The following NACA2 variants were observed in gnomAD, a reference collection of about 807,000 sequenced individuals.
NACA2 encodes nascent polypeptide associated complex subunit alpha 2.
NACA2 carries 9 observed loss-of-function variants against 15.6 expected under a neutral mutation model. The ratio of observed to expected loss-of-function variants is 0.58; its 90% CI spans 0.35 to 1.00. NACA2 has a LOEUF of 1.00. Ranked by LOEUF, NACA2 falls within the 50% of genes least tolerant of loss-of-function variation. NACA2 has a pLI of 0.02. For synonymous variants in NACA2, 111 were observed against 100.5 expected (o/e 1.10, Z -0.62); for missense variants, 258 against 257.5 (o/e 1.00, Z -0.01).
rs761099015 is a variant in NACA2 at position 61,590,825 on chromosome 17, G to C, written c.356C>G (p.Ala119Gly). Residue 119 changes from alanine (A) to glycine (G), a missense_variant, in exon 1 of 1, where the codon GCC (alanine) becomes GGC (glycine). By Grantham distance (60) the Ala-to-Gly change is moderately conservative. Transcript: ENST00000521764. ...LDVYKSPASD[A>G]YIVFGEAKIQ... is the part of the protein sequence containing the mutation. ...CTTGGCTTCCCCAAAAACTATGTAG[G>C]CATCCGAAGCAGGGCTCTTGTAGAC... 1.9e-6 allele frequency: 3 copies of C among 1,614,098 alleles called. No individual in the cohort carries two copies. The highest frequency in any genetic ancestry group is 1.7e-6 in the Non-Finnish European group (2 of 1,179,966).
At position 61,591,188 on chromosome 17, in the gene NACA2, A is replaced by G. The variant is rs975290377; in HGVS notation, c.-8T>C. 5.0e-6 allele frequency: 8 copies of G among 1,614,076 alleles called. No individual in the cohort carries two copies. Among genetic ancestry groups the G allele is most frequent in the African/African-American group, 1.3e-5 (1 of 74,946 alleles). Reference sequence around the variant, plus strand: ...TGTGGCTTCGCCCGGCATTTTGTGCAGGGAACGCGGAAGCAAGATGGCGGC... The same window carrying G: ...TGTGGCTTCGCCCGGCATTTTGTGCGGGGAACGCGGAAGCAAGATGGCGGC... On this transcript the variant is annotated 5_prime_UTR_variant, in exon 1 of 1. Coordinates refer to ENST00000521764, the MANE Select transcript of NACA2 (RefSeq NM_199290.4).
In NACA2 at chr17:61,590,566, A is replaced by G. The variant is rs1569074869; in HGVS notation, c.615T>C (p.Asp205=). 2.5e-6 allele frequency: 4 copies of G among 1,614,210 alleles called. No homozygotes were observed. The highest frequency in any genetic ancestry group is 3.4e-6 in the Non-Finnish European group (4 of 1,180,032). Residue 205 remains aspartate, a synonymous_variant, in exon 1 of 1, where the codon GAT becomes GAC. Coordinates refer to ENST00000521764, the MANE Select transcript of NACA2 (RefSeq NM_199290.4). The part of the protein sequence containing the change: ...AVRALKNNSN[D]IVNAIMELTV ...TTAATTCCATAATCGCATTTACAATATCATTACTGTTGTTCTTCAGAGCTC... is the reference window on the plus strand; with the variant it reads ...TTAATTCCATAATCGCATTTACAATGTCATTACTGTTGTTCTTCAGAGCTC...
chr17:61,590,741 C>A lies in NACA2; in HGVS notation c.440G>T (p.Gly147Val). The change falls in exon 1 of 1, where the codon GGT becomes GTT. Residue 147 changes from glycine (G) to valine (V), a missense_variant. Coordinates refer to ENST00000521764, the MANE Select transcript of NACA2 (RefSeq NM_199290.4). ...TTCTTGAATGTTTCCGACAGCTTCA[C>A]CTTGAACTCTGAATTTCTCCGCAGC... The part of the protein sequence containing the change: ...LAAAEKFRVQ[G>V]EAVGNIQENT... The A allele has an allele frequency of 3.1e-6, 5 of 1,614,182 alleles. No homozygotes were observed. Among genetic ancestry groups the A allele is most frequent in the Non-Finnish European group, 4.2e-6 (5 of 1,180,038 alleles).
Position 61,590,557 on chromosome 17 carries a change from A to AT in NACA2, c.623dup (p.Asn208LysfsTer12), listed in dbSNP as rs748855718. 1.9e-6 allele frequency: 3 copies of AT among 1,614,124 alleles called. No homozygotes were observed. The highest frequency in any genetic ancestry group is 2.5e-6 in the Non-Finnish European group (3 of 1,180,056). Reference sequence around the variant, plus strand: ...GTTACACTGTTAATTCCATAATCGCATTTACAATATCATTACTGTTGTTCT... The same window carrying AT: ...GTTACACTGTTAATTCCATAATCGCATTTTACAATATCATTACTGTTGTTCT... On this transcript the variant is annotated frameshift_variant, in exon 1 of 1. Coordinates refer to ENST00000521764, the MANE Select transcript of NACA2 (RefSeq NM_199290.4). LOFTEE classifies it high-confidence loss of function.
Position 61,590,775 on chromosome 17 carries a change from G to A in NACA2, c.406C>T (p.Gln136Ter). ...AKIQDLSQQA[Q>*]LAAAEKFRVQ... ...CTGAATTTCTCCGCAGCTGCTAGTT[G>A]TGCTTGCTGAGATAAATCTTGGATC... Residue 136 changes from glutamine to a stop codon, truncating the protein, a stop_gained, in exon 1 of 1, where the codon CAA (glutamine) becomes TAA (stop). Coordinates refer to ENST00000521764, the MANE Select transcript of NACA2 (RefSeq NM_199290.4). LOFTEE classifies it high-confidence loss of function. The A allele has an allele frequency of 6.2e-7, 1 of 1,614,170 alleles. No homozygotes were observed. The highest frequency in any genetic ancestry group is 8.5e-7 in the Non-Finnish European group (1 of 1,180,032).
chr17:61,590,487 C>T lies in NACA2; in HGVS notation c.*46G>A. ...GAAACAGTACAAATTTCAAACCAAG[C>T]TGCAGTTACTCCTTTGAGACACCAA... On this transcript the variant is annotated 3_prime_UTR_variant, in exon 1 of 1. Transcript: ENST00000521764. 1 of 1,563,492 alleles carries T rather than the reference C, an allele frequency of 6.4e-7. No individual in the cohort carries two copies. The highest frequency in any genetic ancestry group is 8.8e-7 in the Non-Finnish European group (1 of 1,134,368).
In NACA2 at chr17:61,590,557, A is replaced by G. The variant is rs974302784; in HGVS notation, c.624T>C (p.Asn208=). 1 of 1,614,124 alleles carries G rather than the reference A, an allele frequency of 6.2e-7. No homozygotes were observed. Among genetic ancestry groups the G allele is most frequent in the Non-Finnish European group, 8.5e-7 (1 of 1,180,056 alleles). ...ALKNNSNDIV[N]AIMELTV is the part of the protein sequence containing the mutation. ...GTTACACTGTTAATTCCATAATCGCATTTACAATATCATTACTGTTGTTCT... is the reference window on the plus strand; with the variant it reads ...GTTACACTGTTAATTCCATAATCGCGTTTACAATATCATTACTGTTGTTCT... The change falls in exon 1 of 1, where the codon AAT becomes AAC. Residue 208 remains asparagine, a synonymous_variant. Transcript: ENST00000521764.
At position 61,590,428 on chromosome 17, in the gene NACA2, T is replaced by C. The variant is rs2060994545; in HGVS notation, c.*105A>G. 3 of 1,196,926 alleles carry C rather than the reference T, an allele frequency of 2.5e-6. No individual in the cohort carries two copies. Among genetic ancestry groups the C allele is most frequent in the Non-Finnish European group, 3.6e-6 (3 of 823,226 alleles). 74.1% of individuals were successfully genotyped at this position (1,196,926 alleles called of 1,614,324 possible). A position where few individuals can be genotyped will look rare whatever the true frequency, so the allele number is the denominator to read the frequency against. ...AAGAGAGCATTTCTTTTCTTTTCTT[T>C]TTCCAGCAAGAAGTCATAACTTTAT... is the stretch of plus-strand genomic sequence containing the variant. On this transcript the variant is annotated 3_prime_UTR_variant, in exon 1 of 1. Coordinates refer to ENST00000521764, the MANE Select transcript of NACA2 (RefSeq NM_199290.4).
In NACA2 at chr17:61,590,657, C is replaced by A. The variant is rs1263320043; in HGVS notation, c.524G>T (p.Gly175Val). The change falls in exon 1 of 1, where the codon GGT becomes GTT. Residue 175 changes from glycine to valine, a missense_variant. Gly to Val is a moderately radical substitution (Grantham distance 109). Transcript: ENST00000521764. ...ESEEEEVDET[G>V]VEVKDVKLVM... ...CAATTTCACGTCTTTAACTTCTACA[C>A]CTGTTTCATCGACCTCTTCCTCTTC... The A allele has an allele frequency of 1.9e-6, 3 of 1,614,212 alleles. No individual in the cohort carries two copies. The highest frequency in any genetic ancestry group is 2.5e-6 in the Non-Finnish European group (3 of 1,180,042).
chr17:61,591,144 CTG>C lies in NACA2; in HGVS notation c.35_36del (p.Thr12ArgfsTer10). On this transcript the variant is annotated frameshift_variant, in exon 1 of 1. Coordinates refer to ENST00000521764, the MANE Select transcript of NACA2 (RefSeq NM_199290.4). LOFTEE classifies it high-confidence loss of function. ...PGEATETVPATEQELPQSQAE... is the reference protein window; with the variant it reads ...PGEATETVPAXEQELPQSQAE... The stretch of plus-strand genomic sequence containing the variant: ...GCCTGGGACTGCGGCAACTCCTGCT[CTG>C]TAGCAGGGACGGTTTCTGTGGCTTC... 1 of 1,614,252 alleles carries C rather than the reference CTG, an allele frequency of 6.2e-7. No homozygotes were observed. Among genetic ancestry groups the C allele is most frequent in the Non-Finnish European group, 8.5e-7 (1 of 1,180,050 alleles).
rs770861153 is a variant in NACA2 at position 61,591,064 on chromosome 17, T to G, written c.117A>C (p.Glu39Asp). The change falls in exon 1 of 1, where the codon GAA (glutamate) becomes GAC (aspartate). Residue 39 changes from glutamate (E) to aspartate (D), a missense_variant. Physicochemically the swap from Glu to Asp is conservative, Grantham distance 45. Coordinates refer to ENST00000521764, the MANE Select transcript of NACA2 (RefSeq NM_199290.4). ...SDSGESVPGI[E>D]EQDSTQTTTQ... ...TGGTGGTCTGGGTGGAATCCTGTTC[T>G]TCAATCCCTGGTACTGATTCACCAC... 6.2e-7 allele frequency: 1 copy of G among 1,614,272 alleles called. No homozygotes were observed. The highest frequency in any genetic ancestry group is 8.5e-7 in the Non-Finnish European group (1 of 1,180,042).
rs201438005 is a variant in NACA2, at chr17:61,590,537, A to G, written c.644T>C (p.Val215Ala). The G allele has an allele frequency of 7.6e-5, 122 of 1,614,226 alleles. No homozygotes were observed. The highest frequency in any genetic ancestry group is 7.6e-6 in the Non-Finnish European group (9 of 1,180,044). ...DIVNAIMELT[V>A] ...AAAAAAGTTGCTTTCAGATGGTTAC[A>G]CTGTTAATTCCATAATCGCATTTAC... The change falls in exon 1 of 1, where the codon GTG (valine) becomes GCG (alanine). Residue 215 changes from valine to alanine, a missense_variant. Coordinates refer to ENST00000521764, the MANE Select transcript of NACA2 (RefSeq NM_199290.4).
At position 61,591,120 on chromosome 17, in the gene NACA2, C is replaced by T. The variant is rs1307075718; in HGVS notation, c.61G>A (p.Ala21Thr). The stretch of plus-strand genomic sequence containing the variant: ...GATGCTGTTCCAGACCCTGTCTCAG[C>T]CTGGGACTGCGGCAACTCCTGCTCT... ...ATEQELPQSQAETGSGTASDS... is the reference protein window; with the variant it reads ...ATEQELPQSQTETGSGTASDS... The change falls in exon 1 of 1, where the codon GCT becomes ACT. Residue 21 changes from alanine to threonine, a missense_variant. Ala to Thr is a moderately conservative substitution (Grantham distance 58). Transcript: ENST00000521764. The T allele has an allele frequency of 6.2e-7, 1 of 1,614,236 alleles. No individual in the cohort carries two copies. Among genetic ancestry groups the T allele is most frequent in the South Asian group, 1.1e-5 (1 of 91,092 alleles).
Position 61,591,008 on chromosome 17 carries a change from TCAG to T in NACA2, c.170_172del (p.Ala57del). 1 of 1,614,228 alleles carries T rather than the reference TCAG, an allele frequency of 6.2e-7. No homozygotes were observed. The highest frequency in any genetic ancestry group is 1.7e-5 in the Admixed American group (1 of 60,028). On this transcript the variant is annotated inframe_deletion, in exon 1 of 1. Transcript: ENST00000521764. ...TTTACCGACTGGTTCTTCATCAATT[TCAG>T]CTGCTGCCACCAGCCAGGCTTTTTG...
In NACA2 at chr17:61,591,077, A is replaced by G. The variant is rs1042016927; in HGVS notation, c.104T>C (p.Val35Ala). The G allele has an allele frequency of 6.2e-7, 1 of 1,614,200 alleles. No individual in the cohort carries two copies. The highest frequency in any genetic ancestry group is 1.6e-4 in the Middle Eastern group (1 of 6,062). The change falls in exon 1 of 1, where the codon GTA (valine) becomes GCA (alanine). Residue 35 changes from valine (V) to alanine (A), a missense_variant. Coordinates refer to ENST00000521764, the MANE Select transcript of NACA2 (RefSeq NM_199290.4). ...GGAATCCTGTTCTTCAATCCCTGGT[A>G]CTGATTCACCACTATCAGATGCTGT... Reference protein sequence around the residue: ...SGTASDSGESVPGIEEQDSTQ... With the variant: ...SGTASDSGESAPGIEEQDSTQ...
In NACA2 at chr17:61,590,591, C is replaced by T. The variant is rs202025009; in HGVS notation, c.590G>A (p.Arg197Gln). ...QANVSRAKAV[R>Q]ALKNNSNDIV... ...ATCATTACTGTTGTTCTTCAGAGCT[C>T]GGACTGCCTTTGCTCTCGACACATT... Residue 197 changes from arginine to glutamine, a missense_variant, in exon 1 of 1, where the codon CGA becomes CAA. By Grantham distance (43) the Arg-to-Gln change is conservative. Coordinates refer to ENST00000521764, the MANE Select transcript of NACA2 (RefSeq NM_199290.4). 8.1e-6 allele frequency: 13 copies of T among 1,614,072 alleles called. No homozygotes were observed. The highest frequency in any genetic ancestry group is 3.3e-5 in the Admixed American group (2 of 60,006).
chr17:61,590,614 A>G lies in NACA2; in HGVS notation c.567T>C (p.Asn189=), dbSNP rs753237938. The G allele has an allele frequency of 3.7e-6, 6 of 1,614,160 alleles. No individual in the cohort carries two copies. The highest frequency in any genetic ancestry group is 5.1e-6 in the Non-Finnish European group (6 of 1,180,028). ...CTCGGACTGCCTTTGCTCTCGACAC[A>G]TTTGCTTGTGACATGACCAATTTCA... The part of the protein sequence containing the change: ...KDVKLVMSQA[N]VSRAKAVRAL... Residue 189 remains asparagine, a synonymous_variant, in exon 1 of 1, where the codon AAT becomes AAC. Coordinates refer to ENST00000521764, the MANE Select transcript of NACA2 (RefSeq NM_199290.4).
Position 61,590,522 on chromosome 17 carries a change from C to T in NACA2, c.*11G>A. 2 of 1,614,026 alleles carry T rather than the reference C, an allele frequency of 1.2e-6. No individual in the cohort carries two copies. The highest frequency in any genetic ancestry group is 1.7e-6 in the Non-Finnish European group (2 of 1,179,900). ...TCCTTTGAGACACCAAAAAAAGTTGCTTTCAGATGGTTACACTGTTAATTC... is the reference window on the plus strand; with the variant it reads ...TCCTTTGAGACACCAAAAAAAGTTGTTTTCAGATGGTTACACTGTTAATTC... On this transcript the variant is annotated 3_prime_UTR_variant, in exon 1 of 1. Coordinates refer to ENST00000521764, the MANE Select transcript of NACA2 (RefSeq NM_199290.4).
In NACA2 at chr17:61,590,772, G is replaced by C; in HGVS notation, c.409C>G (p.Leu137Val). The C allele has an allele frequency of 2.5e-6, 4 of 1,614,198 alleles. No homozygotes were observed. The highest frequency in any genetic ancestry group is 3.4e-6 in the Non-Finnish European group (4 of 1,180,036). The stretch of plus-strand genomic sequence containing the variant: ...ACTCTGAATTTCTCCGCAGCTGCTA[G>C]TTGTGCTTGCTGAGATAAATCTTGG... Reference protein sequence around the residue: ...KIQDLSQQAQLAAAEKFRVQG... With the variant: ...KIQDLSQQAQVAAAEKFRVQG... The change falls in exon 1 of 1, where the codon CTA becomes GTA. Residue 137 changes from leucine to valine, a missense_variant. Physicochemically the swap from Leu to Val is conservative, Grantham distance 32. Coordinates refer to ENST00000521764, the MANE Select transcript of NACA2 (RefSeq NM_199290.4).
Sources: allele counts gnomAD v4.1 joint callset, GRCh38; gene constraint gnomAD v4.1.1; transcripts MANE v1.5; gene names NCBI Gene and HGNC (gene_info 2026-07-23, HGNC 2026-07-21).